KLHL28: variants seen among roughly 807,000 people sequenced by gnomAD.
The protein encoded by KLHL28 is kelch like family member 28.
Under a neutral mutation model 48.3 loss-of-function variants are expected in KLHL28, and 22 were observed. The observed-to-expected ratio is 0.46, with a 90% CI of 0.33 to 0.65. KLHL28 has a LOEUF of 0.65. KLHL28 is among the 30% of genes least tolerant of loss of function. The pLI, the probability that KLHL28 is intolerant of heterozygous loss-of-function variation, is 0.03. For missense variants in KLHL28, 527 were observed against 704.3 expected (o/e 0.75, Z 2.85); for synonymous variants, 243 against 242.4 (o/e 1.00, Z -0.02).
At chr14:44,939,906 T>G (rs1262799509) in intron 2 of KLHL28, among the ~76,000 whole-genome samples, 2 of 152,238 alleles carry the variant, frequency 1.3e-5, no homozygotes, top group African/African-American at 4.8e-5. Flanking sequence ...TTTCAGATAT[T>G]TGTTTTAACA....
intron 4 of KLHL28, among the ~76,000 whole-genome samples, chr14:44,930,601 C>G (rs1312592146): frequency 1.3e-5 from 2 of 152,120 alleles, no homozygotes; most frequent in African/African-American, 4.8e-5. Context: ...ATATGATGCT[C>G]AAAGAAAGTG....
intron 1 of KLHL28, among the ~76,000 whole-genome samples, chr14:44,959,086 A>C (rs2138677826): frequency 6.6e-6 from 1 of 151,974 alleles, no homozygotes; most frequent in East Asian, 1.9e-4. Flanking sequence ...AAAAATAATA[A>C]ATTAAAAAAT....
At chr14:44,952,533 GT>G (rs1325727280) in intron 1 of KLHL28, among the ~76,000 whole-genome samples, 1 of 152,098 alleles carries the variant, frequency 6.6e-6, no homozygotes, top group Non-Finnish European at 1.5e-5. Context: ...TAAAATGAAA[GT>G]TTTTTAGAGA....
chr14:44,945,115 T>G lies in KLHL28; in HGVS notation c.814A>C (p.Thr272Pro). 1.9e-6 allele frequency: 3 copies of G among 1,614,046 alleles called. No homozygotes were observed. The highest frequency in any genetic ancestry group is 2.5e-6 in the Non-Finnish European group (3 of 1,179,898). Residue 272 changes from threonine to proline, a missense_variant, in exon 2 of 5, where the codon ACA becomes CCA. Transcript: ENST00000396128. ...CAGCGAGGTCGTGTCATCAAGACTG[T>G]CTGATGAGAGAGTCTATGTTCAGGC... Reference protein sequence around the residue: ...FMPEHRLSHQTVLMTRPRCAP... With the variant: ...FMPEHRLSHQPVLMTRPRCAP...
At position 44,945,348 on chromosome 14, in the gene KLHL28, G is replaced by T. The variant is rs768850323; in HGVS notation, c.581C>A (p.Thr194Asn). ...IVSNDCLNVA[T>N]EETVFYALES... ...TAATGCATAAAAAACAGTCTCTTCG[G>T]TAGCTACATTCAAACAGTCATTGGA... Residue 194 changes from threonine (T) to asparagine (N), a missense_variant, in exon 2 of 5, where the codon ACC becomes AAC. Transcript: ENST00000396128. The T allele has an allele frequency of 2.5e-6, 4 of 1,614,052 alleles. No individual in the cohort carries two copies. The South Asian group carries it at 4.4e-5, about 18-fold the overall frequency.
At chr14:44,944,746 G>GA (rs1403410977) in intron 2 of KLHL28, among the ~76,000 whole-genome samples, 1 of 151,634 alleles carries the variant, frequency 6.6e-6, no homozygotes, top group Non-Finnish European at 1.5e-5. Flanking sequence ...GTTCCAGAAA[G>GA]AAAAAAAGAA....
intron 1 of KLHL28, among the ~76,000 whole-genome samples, chr14:44,950,358 T>C (rs1884524332): frequency 1.3e-5 from 2 of 152,176 alleles, no homozygotes; most frequent in South Asian, 4.1e-4. Context: ...GAATTGTTGA[T>C]TCTCAAATCA....
At position 44,926,576 on chromosome 14, in the gene KLHL28, G is replaced by C. The variant is rs984656237; in HGVS notation, c.*2452C>G. ...GGCTGGAGTGCAATGGTGCAAGCTC[G>C]GCTCACTGCAACCTCTGCCTCCTGG... On this transcript the variant is annotated 3_prime_UTR_variant, in exon 5 of 5. Coordinates refer to ENST00000396128, the MANE Select transcript of KLHL28 (RefSeq NM_017658.5). 4 of 151,620 alleles carry C rather than the reference G, an allele frequency of 2.6e-5. No homozygotes were observed. Among genetic ancestry groups the C allele is most frequent in the Middle Eastern group, 3.4e-3 (1 of 294 alleles). 9.4% of individuals were successfully genotyped at this position (151,620 alleles called of 1,614,324 possible).
At chr14:44,929,325 T>G in intron 4 of KLHL28, 134 bp from the exon 5 acceptor site, 1 of 774,292 alleles carries the variant, frequency 1.3e-6, no homozygotes. Context: ...ATACAGGCAA[T>G]ATACAGTAGT....
At chr14:44,959,069 T>C (rs1249564778) in intron 1 of KLHL28, among the ~76,000 whole-genome samples, 3 of 151,608 alleles carry the variant, frequency 2.0e-5, no homozygotes, top group Non-Finnish European at 4.4e-5. Context: ...AACCAAGGAT[T>C]GAAAGAAAAA....
chr14:44,961,105 C>A (rs750961010), intron 1 of KLHL28: 6 of 426,104 alleles, frequency 1.4e-5, no homozygotes, highest in African/African-American at 4.1e-5. Flanking sequence ...GGAGAAAATG[C>A]ACACAAAATT....
chr14:44,949,268 A>C (rs941011175), intron 1 of KLHL28, among the ~76,000 whole-genome samples: 1 of 152,144 alleles, frequency 6.6e-6, no homozygotes, highest in African/African-American at 2.4e-5. Context: ...GAATACCGAT[A>C]AGAAGATGTA....
chr14:44,929,408 G>C (rs1355002400), intron 4 of KLHL28, among the ~76,000 whole-genome samples: 1 of 152,134 alleles, frequency 6.6e-6, no homozygotes, highest in Non-Finnish European at 1.5e-5. Flanking sequence ...AAAATAGGGA[G>C]TACTGTACAG....
intron 1 of KLHL28, among the ~76,000 whole-genome samples, chr14:44,958,006 C>T (rs1884863868): frequency 6.6e-6 from 1 of 150,724 alleles, no homozygotes; most frequent in Non-Finnish European, 1.5e-5. Context: ...CAATCATTGC[C>T]TTCCAGTATT....
At chr14:44,955,369 TC>T (rs1281408936) in intron 1 of KLHL28, among the ~76,000 whole-genome samples, 2 of 152,136 alleles carry the variant, frequency 1.3e-5, no homozygotes, top group African/African-American at 4.8e-5. Flanking sequence ...AAACTGACCA[TC>T]CCGGTAGCAA....
intron 2 of KLHL28, among the ~76,000 whole-genome samples, chr14:44,937,148 C>CTTTT (rs1157419168): frequency 7.2e-6 from 1 of 139,728 alleles, no homozygotes; most frequent in Non-Finnish European, 1.6e-5. Context: ...TTGTTTTTTT[C>CTTTT]TTTTTTTTTT....
At chr14:44,947,270 AC>A (rs977753132) in intron 1 of KLHL28, among the ~76,000 whole-genome samples, 29 of 152,310 alleles carry the variant, frequency 1.9e-4, no homozygotes, top group African/African-American at 6.3e-4. Flanking sequence ...GCTGGCAGTC[AC>A]CAGAAGCTAG....
At position 44,952,908 on chromosome 14, in the gene KLHL28, A is replaced by AAC. The variant is rs1304349434; in HGVS notation, c.1-6981_1-6980insGT. Among the ~76,000 whole-genome samples the AAC allele has an allele frequency of 2.6e-5, 4 of 152,160 alleles. 1 individual carries two copies. The highest frequency in any genetic ancestry group is 5.9e-5 in the Non-Finnish European group (4 of 68,022). ...AAAAGGAAGGGTAAGTACCATAAAAAAAAAAAAAACAAACACAGGAAAGAA... is the reference window on the plus strand; with the variant it reads ...AAAAGGAAGGGTAAGTACCATAAAAAACAAAAAAAAACAAACACAGGAAAGAA... On this transcript the variant is annotated intron_variant, in intron 1 of 4. Transcript: ENST00000396128.
chr14:44,933,369 A>T (rs1431567095), intron 3 of KLHL28, among the ~76,000 whole-genome samples: 1 of 146,158 alleles, frequency 6.8e-6, no homozygotes, highest in Non-Finnish European at 1.5e-5. Flanking sequence ...GGAGTGTAGT[A>T]GTGCATTCAA....
Sources: allele counts gnomAD v4.1 joint callset (sites outside exome capture counted in the v4.1 genomes callset), GRCh38; gene constraint gnomAD v4.1.1; transcripts MANE v1.5; gene names NCBI Gene and HGNC (gene_info 2026-07-23, HGNC 2026-07-21).